Variants in SCGN observed in about 807,000 individuals in gnomAD.
SCGN encodes the protein secretagogin, EF-hand calcium binding protein.
In SCGN, 30 loss-of-function variants were observed where a neutral mutation model predicts 39.7. That is an observed-to-expected ratio of 0.76 (90% CI 0.57 to 1.03). The LOEUF is 1.03. Among genes scored for constraint, SCGN ranks in the 50% least tolerant of loss-of-function variants. The probability of loss-of-function intolerance (pLI) is 0.00; values close to 1 mark genes in which losing one functional copy is unlikely to be tolerated. For missense variants in SCGN, 353 were observed against 349.4 expected, an observed-to-expected ratio of 1.01 and a Z score of -0.08; for synonymous variants, 106 against 114.1, an observed-to-expected ratio of 0.93 and a Z score of 0.45.
intron 7 of SCGN, among the ~76,000 whole-genome samples, chr6:25,682,647 T>C (rs1279780396): frequency 6.6e-6 from 1 of 152,194 alleles, no homozygotes; most frequent in Non-Finnish European, 1.5e-5. Context: ...GTTGAAATTA[T>C]TGGATCTGGA....
intron 10 of SCGN, among the ~76,000 whole-genome samples, chr6:25,696,385 A>T (rs1211493383): frequency 2.0e-5 from 3 of 151,960 alleles, no homozygotes; most frequent in African/African-American, 7.3e-5. Flanking sequence ...TATATTATTT[A>T]TAATATAGAG....
chr6:25,658,854 G>T (rs77924933), intron 2 of SCGN, among the ~76,000 whole-genome samples: 1 of 152,282 alleles, frequency 6.6e-6, no homozygotes, highest in African/African-American at 2.4e-5. Context: ...GCTGACAAAA[G>T]TTTGTGTATG....
At chr6:25,691,466 A>G (rs1410591724) in intron 10 of SCGN, among the ~76,000 whole-genome samples, 1 of 152,224 alleles carries the variant, frequency 6.6e-6, no homozygotes, top group Admixed American at 6.5e-5. Context: ...TAGAATAACT[A>G]AAACATTTAA....
At chr6:25,694,733 A>G (rs1003928683) in intron 10 of SCGN, among the ~76,000 whole-genome samples, 2 of 152,226 alleles carry the variant, frequency 1.3e-5, no homozygotes, top group African/African-American at 4.8e-5. Flanking sequence ...CTAGTCTTTA[A>G]TGGATCTTCC....
At chr6:25,669,258 A>G (rs1419859724) in intron 4 of SCGN, among the ~76,000 whole-genome samples, 1 of 152,232 alleles carries the variant, frequency 6.6e-6, no homozygotes, top group East Asian at 1.9e-4. Flanking sequence ...GACACTTTTG[A>G]TGAAAGCCCA....
chr6:25,655,235 T>A (rs527237918), intron 2 of SCGN, among the ~76,000 whole-genome samples: 1 of 152,328 alleles, frequency 6.6e-6, no homozygotes, highest in East Asian at 1.9e-4. Context: ...ACTTCTCACC[T>A]TTTCAGAGGG....
At chr6:25,696,324 G>GT (rs902301213) in intron 10 of SCGN, among the ~76,000 whole-genome samples, 1 of 151,978 alleles carries the variant, frequency 6.6e-6, no homozygotes, top group Non-Finnish European at 1.5e-5. Context: ...TCCTATGTAT[G>GT]TTTTTATATG....
intron 7 of SCGN, among the ~76,000 whole-genome samples, chr6:25,684,768 T>C (rs1006624368): frequency 1.3e-5 from 2 of 152,064 alleles, no homozygotes; most frequent in African/African-American, 4.8e-5. Context: ...CAAGATTGCG[T>C]CACAGTACTC....
intron 6 of SCGN, among the ~76,000 whole-genome samples, chr6:25,670,422 A>G (rs72838864): frequency 2.3e-3 from 350 of 152,334 alleles, no homozygotes; most frequent in Admixed American, 3.2e-3. Flanking sequence ...GACCAAACAG[A>G]TGGAAGCTGC....
chr6:25,670,118 C>A, intron 6 of SCGN, 42 bp downstream of exon 6: 3 of 1,354,576 alleles, frequency 2.2e-6, no homozygotes, highest in Non-Finnish European at 3.2e-6. Flanking sequence ...GCAGCTCCCC[C>A]ACTCCCTCCC....
chr6:25,674,184 A>G (rs1759536956), intron 6 of SCGN, among the ~76,000 whole-genome samples: 1 of 152,176 alleles, frequency 6.6e-6, no homozygotes, highest in African/African-American at 2.4e-5. Flanking sequence ...ACAACATCCA[A>G]GCTATATCAG....
chr6:25,661,829 T>C (rs1760343421), intron 3 of SCGN, among the ~76,000 whole-genome samples, 185 bp downstream of exon 3: 1 of 152,234 alleles, frequency 6.6e-6, no homozygotes, highest in Non-Finnish European at 1.5e-5. Context: ...CTCTCCTTTT[T>C]CATCTACTTA....
chr6:25,655,065 T>A (rs1446356285), intron 2 of SCGN, among the ~76,000 whole-genome samples: 1 of 152,232 alleles, frequency 6.6e-6, no homozygotes, highest in Non-Finnish European at 1.5e-5. Context: ...GGGCTTCTAC[T>A]TATATCTGTA....
intron 7 of SCGN, among the ~76,000 whole-genome samples, chr6:25,685,847 A>G (rs1462202615): frequency 6.6e-6 from 1 of 152,184 alleles, no homozygotes; most frequent in Non-Finnish European, 1.5e-5. Flanking sequence ...ATCTAATTTT[A>G]GAACATTTCA....
chr6:25,663,675 A>G (rs10946789), intron 3 of SCGN, among the ~76,000 whole-genome samples: 40,164 of 152,096 alleles, frequency 0.26, 5,324 homozygotes, highest in Non-Finnish European at 0.27. Context: ...TCTAAAGCCT[A>G]TAACACATTG....
At chr6:25,661,519 G>A (rs1287955349) in intron 2 of SCGN, 33 bp from the exon 3 acceptor site, 1 of 1,428,150 alleles carries the variant, frequency 7.0e-7, no homozygotes, top group Non-Finnish European at 9.9e-7. Context: ...AGATTCCAGT[G>A]GCTTTAATGT....
chr6:25,693,246 T>G (rs1759795528), intron 10 of SCGN, among the ~76,000 whole-genome samples: 4 of 152,032 alleles, frequency 2.6e-5, no homozygotes. Flanking sequence ...GGTCAGGAGA[T>G]CGAGACCATC....
chr6:25,675,555 G>A (rs569830036), intron 6 of SCGN, among the ~76,000 whole-genome samples: 46 of 152,318 alleles, frequency 3.0e-4, no homozygotes, highest in African/African-American at 9.4e-4. Flanking sequence ...GACGTGAGTC[G>A]GCTGGCCTGA....
intron 7 of SCGN, among the ~76,000 whole-genome samples, chr6:25,683,386 T>G (rs771871619): frequency 2.0e-5 from 3 of 152,150 alleles, no homozygotes; most frequent in African/African-American, 4.8e-5. Context: ...AAAGCATCTA[T>G]CCACCTGTGC....
Sources: gnomAD v4.1 joint callset for allele counts (sites outside exome capture counted in the v4.1 genomes callset) on GRCh38, gnomAD v4.1.1 for gene constraint, MANE v1.5 for transcripts, NCBI Gene and HGNC (gene_info 2026-07-23, HGNC 2026-07-21) for gene names.